Variants in LARGE1 observed in about 807,000 individuals in gnomAD.
The protein encoded by LARGE1 is LARGE xylosyl- and glucuronyltransferase 1.
In LARGE1, 43 loss-of-function variants were observed where a neutral mutation model predicts 87.6. The ratio of observed to expected loss-of-function variants is 0.49; its 90% CI spans 0.38 to 0.63. The LOEUF (loss-of-function observed/expected upper bound fraction) is 0.63, where lower values mean the gene tolerates loss of function less well. LARGE1 is among the 30% of genes least tolerant of loss of function. The pLI, the probability that LARGE1 is intolerant of heterozygous loss-of-function variation, is 0.00. For missense variants in LARGE1, 802 were observed against 1,000.2 expected, an observed-to-expected ratio of 0.80 and a Z score of 2.67; for synonymous variants, 434 against 394.6, an observed-to-expected ratio of 1.10 and a Z score of -1.18.
At chr22:33,867,311 C>T (rs1271371892) in intron 1 of LARGE1, among the ~76,000 whole-genome samples, 1 of 152,190 alleles carries the variant, frequency 6.6e-6, no homozygotes, top group Non-Finnish European at 1.5e-5. Flanking sequence ...TAAACATGGC[C>T]TTTGCACACA....
the LARGE1 span, among the ~76,000 whole-genome samples, chr22:33,123,615 A>G: frequency 1.3e-5 from 2 of 152,228 alleles, no homozygotes; most frequent in Admixed American, 1.3e-4. Context: ...ATGAGCTATG[A>G]ATGGGTAGTA....
At chr22:33,502,766 A>G (rs1257887010) in intron 6 of LARGE1, among the ~76,000 whole-genome samples, 1 of 152,086 alleles carries the variant, frequency 6.6e-6, no homozygotes, top group African/African-American at 2.4e-5. Flanking sequence ...ACAAGGTTTC[A>G]CCACGTTGGC....
chr22:33,920,481 G>C (rs1413388101), upstream of LARGE1: 3 of 146,170 alleles, frequency 2.1e-5, no homozygotes, highest in South Asian at 2.1e-4. Flanking sequence ...CAGACTGGCC[G>C]GGCCGGGCGC....
intron 1 of LARGE1, among the ~76,000 whole-genome samples, chr22:33,801,435 T>C (rs1346813498): frequency 6.6e-6 from 1 of 152,158 alleles, no homozygotes; most frequent in Non-Finnish European, 1.5e-5. Context: ...CTAATTATGG[T>C]CTTAATTTAT....
At chr22:33,125,433 A>T in the LARGE1 span, among the ~76,000 whole-genome samples, 2 of 147,628 alleles carry the variant, frequency 1.4e-5, no homozygotes, top group Non-Finnish European at 3.0e-5. Flanking sequence ...AGACGAGTAC[A>T]CATCCTGCTT....
intron 5 of LARGE1, among the ~76,000 whole-genome samples, chr22:33,581,082 G>A (rs1367094265): frequency 6.6e-6 from 1 of 152,200 alleles, no homozygotes; most frequent in African/African-American, 2.4e-5. Context: ...TTCATTGGAT[G>A]CTTGAAATAA....
the LARGE1 span, among the ~76,000 whole-genome samples, chr22:33,070,612 C>T: frequency 2.0e-5 from 3 of 152,126 alleles, no homozygotes; most frequent in Non-Finnish European, 4.4e-5. Flanking sequence ...TGACCCCTTC[C>T]CTCCAAAAGC....
At chr22:33,844,015 G>A (rs1373172979) in intron 1 of LARGE1, among the ~76,000 whole-genome samples, 2 of 151,196 alleles carry the variant, frequency 1.3e-5, no homozygotes, top group Admixed American at 1.3e-4. Context: ...GGAGGCGGAG[G>A]TTGCAGTGAG....
intron 1 of LARGE1, among the ~76,000 whole-genome samples, chr22:33,785,174 CATAT>C (rs1269872140): frequency 1.4e-5 from 2 of 145,970 alleles, no homozygotes; most frequent in Non-Finnish European, 3.0e-5. Context: ...TGTATACATA[CATAT>C]GTGTATATAC....
chr22:33,145,956 CAG>C, the LARGE1 span, among the ~76,000 whole-genome samples: 1 of 152,110 alleles, frequency 6.6e-6, no homozygotes, highest in African/African-American at 2.4e-5. Flanking sequence ...CACAATAAAA[CAG>C]GGAGAGAGAG....
chr22:33,256,093 G>A (rs56904467), intron 11 of LARGE1, among the ~76,000 whole-genome samples: 7 of 152,254 alleles, frequency 4.6e-5, no homozygotes, highest in Middle Eastern at 3.4e-3. Context: ...TCTGCCAGCC[G>A]AGCAGGGAAC....
At chr22:33,572,206 A>G (rs1225440672) in intron 5 of LARGE1, 25 of 1,290,616 alleles carry the variant, frequency 1.9e-5, no homozygotes, top group Admixed American at 2.4e-5. Context: ...AATTAAAAAA[A>G]GAAGTCATCC....
Position 33,381,818 on chromosome 22 carries a change from C to T in LARGE1, c.1131+101G>A, listed in dbSNP as rs78682447. ...TCTGCTCTCCTGTGCCCTTATCTCT[C>T]TCACCACATTGCACATAAATCTCCC... On this transcript the variant is annotated intron_variant, in intron 9 of 14. Transcript: ENST00000397394. The T allele has an allele frequency of 2.5e-5, 37 of 1,467,380 alleles. No individual in the cohort carries two copies. In the African/African-American group the frequency reaches 5.0e-4, roughly 20 times the overall value. The allele number at this position is 1,467,380 out of a possible 1,614,324, so 90.9% of individuals were successfully genotyped here.
At chr22:33,159,251 T>G (rs1175045817), downstream of LARGE1, among the ~76,000 whole-genome samples, 1 of 152,216 alleles carries the variant, frequency 6.6e-6, no homozygotes, top group Admixed American at 6.5e-5. Flanking sequence ...ATTTAACTAA[T>G]TATAACATAA....
chr22:33,813,569 A>T (rs1027328155), intron 1 of LARGE1, among the ~76,000 whole-genome samples: 4 of 152,074 alleles, frequency 2.6e-5, no homozygotes, highest in Admixed American at 2.6e-4. Context: ...ACTCATTCCC[A>T]TTTGGACACA....
At chr22:33,246,090 T>C (rs1268898247) in intron 11 of LARGE1, among the ~76,000 whole-genome samples, 1 of 152,198 alleles carries the variant, frequency 6.6e-6, no homozygotes, top group Non-Finnish European at 1.5e-5. Flanking sequence ...AATGCACCAT[T>C]TTAAAATAAA....
intron 2 of LARGE1, among the ~76,000 whole-genome samples, chr22:33,731,149 G>A (rs1462374319): frequency 6.6e-6 from 1 of 151,824 alleles, no homozygotes. Context: ...ACTACCAGGC[G>A]CCTACCACCA....
chr22:33,242,933 T>A (rs1334537468), intron 11 of LARGE1, among the ~76,000 whole-genome samples: 1 of 152,210 alleles, frequency 6.6e-6, no homozygotes, highest in Admixed American at 6.5e-5. Context: ...CATCTCTGCC[T>A]TCCTCTCCAC....
intron 11 of LARGE1, among the ~76,000 whole-genome samples, chr22:33,183,622 A>ACACACACG (rs1555880678): frequency 4.3e-5 from 4 of 92,658 alleles, no homozygotes; most frequent in Non-Finnish European, 8.2e-5. Flanking sequence ...ACACACACGC[A>ACACACACG]CACACACACA....
Sources: allele counts gnomAD v4.1 joint callset (sites outside exome capture counted in the v4.1 genomes callset), GRCh38; gene constraint gnomAD v4.1.1; transcripts MANE v1.5; gene names NCBI Gene and HGNC (gene_info 2026-07-23, HGNC 2026-07-21).